NHS: variants seen among roughly 807,000 people sequenced by gnomAD.
The protein encoded by NHS is NHS actin remodeling regulator, also known as actin remodeling regulator NHS.
In NHS, 5 loss-of-function variants were observed where a neutral mutation model predicts 72.5. That is an observed-to-expected ratio of 0.07 (90% CI 0.04 to 0.14). NHS has a LOEUF of 0.14. NHS is among the 10% of genes least tolerant of loss of function. The pLI is 1.00. For synonymous variants in NHS, 464 were observed against 547.7 expected (o/e 0.85, Z 2.13); for missense variants, 1,072 against 1,355.7 (o/e 0.79, Z 3.29).
At chrX:17,708,980 G>A (rs2147127701) in intron 3 of NHS, among the ~76,000 whole-genome samples, 1 of 111,467 alleles carries the variant, frequency 9.0e-6, no homozygotes. Context: ...CAGGGTATGT[G>A]TGTATAGGAT....
intron 1 of NHS, among the ~76,000 whole-genome samples, chrX:17,477,742 AT>A (rs1959396456): frequency 8.9e-6 from 1 of 112,011 alleles, no homozygotes; most frequent in Admixed American, 9.4e-5. Flanking sequence ...GCATGATACA[AT>A]TTTTGCTTCA....
At chrX:17,656,821 T>C (rs866733804) in intron 1 of NHS, among the ~76,000 whole-genome samples, 13 of 111,529 alleles carry the variant, frequency 1.2e-4, no homozygotes, top group African/African-American at 4.2e-4. Flanking sequence ...TCGACGGCTC[T>C]GTGAGTGGAA....
In NHS at chrX:17,389,202, T is replaced by C. The variant is rs187999250; in HGVS notation, c.565+12880T>C. Among the ~76,000 whole-genome samples the C allele has an allele frequency of 1.5e-4, 17 of 112,315 alleles. No homozygotes were observed. The East Asian group carries it at 4.7e-3, about 31-fold the overall frequency. ...ATGAGTTTTAACAGCTGTATCCACCTGCATAACATACAACCCTATTAAGAT... is the reference window on the plus strand; with the variant it reads ...ATGAGTTTTAACAGCTGTATCCACCCGCATAACATACAACCCTATTAAGAT... On this transcript the variant is annotated intron_variant, in intron 1 of 8. Transcript: ENST00000676302.
chrX:17,565,059 G>C (rs938168865), intron 1 of NHS, among the ~76,000 whole-genome samples: 1 of 102,980 alleles, frequency 9.7e-6, no homozygotes, highest in African/African-American at 4.0e-5. Flanking sequence ...GGCTGACTTT[G>C]TGACTTGCTT....
At chrX:17,523,180 G>C (rs2065158326) in intron 1 of NHS, among the ~76,000 whole-genome samples, 1 of 112,009 alleles carries the variant, frequency 8.9e-6, no homozygotes, top group Non-Finnish European at 1.9e-5. Context: ...GTGGTAGTGG[G>C]GAAGTACAGA....
intron 1 of NHS, among the ~76,000 whole-genome samples, chrX:17,537,070 T>A (rs954200467): frequency 1.8e-5 from 2 of 112,224 alleles, no homozygotes; most frequent in Non-Finnish European, 3.8e-5. Context: ...AAGCAAAGAC[T>A]CTTGTCATGT....
intron 1 of NHS, among the ~76,000 whole-genome samples, chrX:17,430,673 T>A (rs904807909): frequency 9.0e-6 from 1 of 111,337 alleles, no homozygotes; most frequent in Non-Finnish European, 1.9e-5. Context: ...ATGTACTTTT[T>A]GTTTTCAAAG....
chrX:17,673,691 A>G (rs926948818), intron 1 of NHS, among the ~76,000 whole-genome samples: 3 of 111,943 alleles, frequency 2.7e-5, no homozygotes, highest in Non-Finnish European at 5.6e-5. Flanking sequence ...GCCAAGCCAC[A>G]GTGAACTACT....
intron 1 of NHS, among the ~76,000 whole-genome samples, chrX:17,641,502 G>A (rs143499880): frequency 1.1e-3 from 127 of 111,787 alleles, no homozygotes; most frequent in African/African-American, 4.1e-3. Flanking sequence ...AACATATCAC[G>A]CTGAAAATAA....
intron 1 of NHS, among the ~76,000 whole-genome samples, chrX:17,410,473 A>G (rs1030674415): frequency 9.2e-6 from 1 of 108,248 alleles, no homozygotes; most frequent in South Asian, 4.2e-4. Context: ...TAGCAACAGC[A>G]TGGAAAGGAA....
At chrX:17,491,053 C>G in intron 1 of NHS, among the ~76,000 whole-genome samples, 1 of 111,901 alleles carries the variant, frequency 8.9e-6, no homozygotes, top group East Asian at 2.8e-4. Flanking sequence ...TCTAAATATA[C>G]AATCATGTCA....
chrX:17,406,775 A>T (rs1413475317), intron 1 of NHS, among the ~76,000 whole-genome samples: 9 of 112,080 alleles, frequency 8.0e-5, no homozygotes, highest in Admixed American at 5.7e-4. Context: ...TTACCTTGCC[A>T]TCCTACCTAA....
chrX:17,709,164 G>T (rs1227947493), intron 3 of NHS, among the ~76,000 whole-genome samples: 1 of 111,290 alleles, frequency 9.0e-6, no homozygotes, highest in Admixed American at 9.5e-5. Context: ...ATAAATAGCT[G>T]GTGACTTTAG....
intron 1 of NHS, among the ~76,000 whole-genome samples, chrX:17,548,804 CAG>C (rs913367676): frequency 9.0e-6 from 1 of 111,565 alleles, no homozygotes; most frequent in African/African-American, 3.3e-5. Context: ...AGCTAGGCTG[CAG>C]AGAGAGGAAA....
chrX:17,611,480 T>G (rs1317920308), intron 1 of NHS, among the ~76,000 whole-genome samples: 2 of 112,171 alleles, frequency 1.8e-5, no homozygotes, highest in Non-Finnish European at 3.8e-5. Context: ...CATGTGATTT[T>G]CTGGTTTAAA....
intron 3 of NHS, among the ~76,000 whole-genome samples, chrX:17,716,892 A>G (rs754063650): frequency 1.8e-5 from 2 of 109,473 alleles, no homozygotes; most frequent in African/African-American, 6.7e-5. Flanking sequence ...ACCTGTTTGC[A>G]TGAAGATGGT....
chrX:17,475,148 A>C (rs1412742695), intron 1 of NHS, among the ~76,000 whole-genome samples: 2 of 112,228 alleles, frequency 1.8e-5, no homozygotes, highest in African/African-American at 6.5e-5. Flanking sequence ...ATAGATAGGC[A>C]AAGAGCCATT....
intron 1 of NHS, among the ~76,000 whole-genome samples, chrX:17,536,830 C>G (rs776975311): frequency 1.8e-5 from 2 of 112,088 alleles, no homozygotes; most frequent in Admixed American, 1.9e-4. Context: ...TGCATGAAAC[C>G]TTTGAGAATG....
At chrX:17,415,059 G>A (rs1456443989) in intron 1 of NHS, among the ~76,000 whole-genome samples, 1 of 111,090 alleles carries the variant, frequency 9.0e-6, no homozygotes, top group Non-Finnish European at 1.9e-5. Context: ...TATCACATAG[G>A]GGTGGAGACC....
Sources: gnomAD v4.1 joint callset for allele counts (sites outside exome capture counted in the v4.1 genomes callset) on GRCh38, gnomAD v4.1.1 for gene constraint, MANE v1.5 for transcripts, NCBI Gene and HGNC (gene_info 2026-07-23, HGNC 2026-07-21) for gene names.